RASGEF1A: variants seen among roughly 807,000 people sequenced by gnomAD.
RASGEF1A encodes the protein ras-GEF domain-containing family member 1A.
RASGEF1A carries 18 observed loss-of-function variants against 56.4 expected under a neutral mutation model. That is an observed-to-expected ratio of 0.32 (90% CI 0.22 to 0.47). RASGEF1A has a LOEUF of 0.47. Among genes scored for constraint, RASGEF1A ranks in the 20% least tolerant of loss-of-function variants. RASGEF1A has a pLI of 1.00. For missense variants in RASGEF1A, 422 were observed against 627.1 expected, an observed-to-expected ratio of 0.67 and a Z score of 3.49; for synonymous variants, 245 against 242.6, an observed-to-expected ratio of 1.01 and a Z score of -0.09.
rs76297402 is a variant in RASGEF1A, at chr10:43,230,397, G to A, written c.-6-24275C>T. 4.6e-5 allele frequency among the ~76,000 whole-genome samples: 7 copies of A among 152,284 alleles called. No homozygotes were observed. The East Asian group carries it at 1.4e-3, about 29-fold the overall frequency. On this transcript the variant is annotated intron_variant, in intron 1 of 12. Transcript: ENST00000395810. ...GGCTCCTCCCGCCCCCAGAGCCCCA[G>A]CCTCAGAAGGAATCTGCCAGGTGAT...
At chr10:43,211,857 G>A (rs2133194992) in intron 1 of RASGEF1A, among the ~76,000 whole-genome samples, 1 of 152,338 alleles carries the variant, frequency 6.6e-6, no homozygotes, top group South Asian at 2.1e-4. Context: ...TGCTTCCTCG[G>A]CTGGACACTG....
chr10:43,236,931 G>A (rs559347807), intron 1 of RASGEF1A, among the ~76,000 whole-genome samples: 140 of 152,078 alleles, frequency 9.2e-4, no homozygotes, highest in Middle Eastern at 6.8e-3. Flanking sequence ...TGGCCTTGTG[G>A]GAGGGTCTCA....
At chr10:43,227,655 G>C (rs1198207774) in intron 1 of RASGEF1A, among the ~76,000 whole-genome samples, 2 of 152,080 alleles carry the variant, frequency 1.3e-5, no homozygotes, top group Non-Finnish European at 1.5e-5. Flanking sequence ...CTGCAGGGTG[G>C]AGCAAGCCAG....
rs527420560 is a variant in RASGEF1A, at chr10:43,229,547, G to A, written c.-6-23425C>T. ...GGGCGGGCACCCTCCCGCACGGGTC[G>A]GGATGCAGGGGACCGTCGCACCCCT... On this transcript the variant is annotated intron_variant, in intron 1 of 12. Transcript: ENST00000395810. 2.6e-5 allele frequency: 30 copies of A among 1,154,356 alleles called. No homozygotes were observed. The East Asian group carries it at 9.1e-4, about 35-fold the overall frequency. 71.5% of individuals were successfully genotyped at this position (1,154,356 alleles called of 1,614,324 possible).
At chr10:43,207,041 G>A (rs1840005741) in intron 1 of RASGEF1A, 1 of 985,386 alleles carries the variant, frequency 1.0e-6, no homozygotes. Flanking sequence ...GAAGCCCTCT[G>A]GGCCTGTTTC....
intron 2 of RASGEF1A, among the ~76,000 whole-genome samples, chr10:43,204,056 G>C (rs934659370): frequency 6.6e-6 from 1 of 151,994 alleles, no homozygotes; most frequent in African/African-American, 2.4e-5. Flanking sequence ...CCACATCCAC[G>C]TGCCTTCCAT....
chr10:43,200,652 T>C lies in RASGEF1A; in HGVS notation c.681+15A>G. 2 of 1,605,428 alleles carry C rather than the reference T, an allele frequency of 1.2e-6. No homozygotes were observed. Among genetic ancestry groups the C allele is most frequent in the Middle Eastern group, 3.8e-4 (2 of 5,274 alleles). On this transcript the variant is annotated intron_variant, in intron 5 of 12. Coordinates refer to ENST00000395810, the MANE Select transcript of RASGEF1A (RefSeq NM_145313.4). ...ACAGCCCCCACCCCCAGTCAGGGCA[T>C]AAGGCAGCACTGACCAGCTCAATGT...
intron 1 of RASGEF1A, among the ~76,000 whole-genome samples, chr10:43,252,547 C>G (rs1840638951): frequency 6.6e-6 from 1 of 152,058 alleles, no homozygotes; most frequent in Non-Finnish European, 1.5e-5. Flanking sequence ...GTCTTCCAAA[C>G]CCAACTGCCT....
At chr10:43,238,543 C>T (rs921891421) in intron 1 of RASGEF1A, among the ~76,000 whole-genome samples, 17 of 152,254 alleles carry the variant, frequency 1.1e-4, no homozygotes, top group African/African-American at 4.1e-4. Context: ...TGTCCACATA[C>T]ACTCCTGCAA....
intron 1 of RASGEF1A, among the ~76,000 whole-genome samples, chr10:43,231,367 G>C (rs1329263800): frequency 2.0e-5 from 3 of 152,234 alleles, no homozygotes; most frequent in Non-Finnish European, 4.4e-5. Flanking sequence ...CTGTACCGTA[G>C]CCCTGCAGAA....
intron 1 of RASGEF1A, among the ~76,000 whole-genome samples, chr10:43,217,227 G>T (rs992862866): frequency 6.6e-6 from 1 of 152,190 alleles, no homozygotes; most frequent in African/African-American, 2.4e-5. Context: ...CCCAGCATGG[G>T]GCTGGGGGAC....
intron 1 of RASGEF1A, among the ~76,000 whole-genome samples, chr10:43,235,936 C>T (rs1446867711): frequency 2.6e-5 from 4 of 152,066 alleles, no homozygotes; most frequent in African/African-American, 9.7e-5. Flanking sequence ...GGGACCCCTC[C>T]CATCACAAGG....
chr10:43,200,875 A>C lies in RASGEF1A; in HGVS notation c.473T>G (p.Val158Gly). ...TGTCATCTGGGCAATGGCCTTCTTCACTGTGCCATTCTCCTGTGGGGTCAA... is the reference window on the plus strand; with the variant it reads ...TGTCATCTGGGCAATGGCCTTCTTCCCTGTGCCATTCTCCTGTGGGGTCAA... Reference protein sequence around the residue: ...VTQCDEENGTVKKAIAQMTQS... With the variant: ...VTQCDEENGTGKKAIAQMTQS... Residue 158 changes from valine (V) to glycine (G), a missense_variant, in exon 5 of 13, where the codon GTG becomes GGG. Coordinates refer to ENST00000395810, the MANE Select transcript of RASGEF1A (RefSeq NM_145313.4). 1 of 1,613,912 alleles carries C rather than the reference A, an allele frequency of 6.2e-7. No individual in the cohort carries two copies. Among genetic ancestry groups the C allele is most frequent in the Non-Finnish European group, 8.5e-7 (1 of 1,179,972 alleles).
At chr10:43,265,013 T>C (rs1474851543) in intron 1 of RASGEF1A, among the ~76,000 whole-genome samples, 1 of 152,188 alleles carries the variant, frequency 6.6e-6, no homozygotes, top group African/African-American at 2.4e-5. Context: ...CAGGGGCTCC[T>C]GGCCACACTG....
At chr10:43,266,181 C>T (rs72783257) in intron 1 of RASGEF1A, among the ~76,000 whole-genome samples, 1 of 152,092 alleles carries the variant, frequency 6.6e-6, no homozygotes, top group Non-Finnish European at 1.5e-5. Context: ...CTCCCGCCCC[C>T]ACCTCTCACT....
At position 43,206,639 on chromosome 10, in the gene RASGEF1A, A is replaced by G. The variant is rs908411158; in HGVS notation, c.-6-517T>C. 4 of 988,926 alleles carry G rather than the reference A, an allele frequency of 4.0e-6. No individual in the cohort carries two copies. In the African/African-American group the frequency reaches 7.0e-5, roughly 17 times the overall value. 61.3% of individuals were successfully genotyped at this position (988,926 alleles called of 1,614,324 possible). A position where few individuals can be genotyped will look rare whatever the true frequency, so the allele number is the denominator to read the frequency against. ...ACACACAGGCTGCATGTGCTGCTTC[A>G]CTGAGGTGGGAGCCTGGGGCTCTGA... On this transcript the variant is annotated intron_variant, in intron 1 of 12. Coordinates refer to ENST00000395810, the MANE Select transcript of RASGEF1A (RefSeq NM_145313.4).
intron 1 of RASGEF1A, among the ~76,000 whole-genome samples, chr10:43,225,099 C>T (rs912681754): frequency 1.4e-5 from 2 of 146,886 alleles, no homozygotes; most frequent in Non-Finnish European, 3.0e-5. Flanking sequence ...TCTGTTTCTG[C>T]GTGTGTGTGC....
At chr10:43,264,542 G>A (rs1836590224) in intron 1 of RASGEF1A, among the ~76,000 whole-genome samples, 1 of 151,848 alleles carries the variant, frequency 6.6e-6, no homozygotes, top group African/African-American at 2.4e-5. Flanking sequence ...GAGGAGCCGG[G>A]AGGCAGGCTG....
intron 1 of RASGEF1A, among the ~76,000 whole-genome samples, chr10:43,234,641 C>A (rs879560478): frequency 1.3e-5 from 2 of 152,220 alleles, no homozygotes; most frequent in Non-Finnish European, 2.9e-5. Flanking sequence ...CCCCACCCTG[C>A]CCTGCTGATG....
Sources: allele counts gnomAD v4.1 joint callset (sites outside exome capture counted in the v4.1 genomes callset), GRCh38; gene constraint gnomAD v4.1.1; transcripts MANE v1.5; gene names NCBI Gene and HGNC (gene_info 2026-07-23, HGNC 2026-07-21).